The following FLII variants were observed in gnomAD, a reference collection of about 807,000 sequenced individuals.
The protein encoded by FLII is FLII actin remodeling protein.
Under a neutral mutation model 156.2 loss-of-function variants are expected in FLII, and 101 were observed. The observed-to-expected ratio is 0.65, with a 90% CI of 0.55 to 0.76. The LOEUF (loss-of-function observed/expected upper bound fraction) is 0.76, where lower values mean the gene tolerates loss of function less well. Ranked by LOEUF, FLII falls within the 30% of genes least tolerant of loss-of-function variation. The pLI is 0.00. For missense variants in FLII, 1,675 were observed against 1,682.8 expected (o/e 1.00, Z 0.08); for synonymous variants, 767 against 685.8 (o/e 1.12, Z -1.85).
In FLII at chr17:18,258,583, G is replaced by A. The variant is rs747380258; in HGVS notation, c.63+45C>T. On this transcript the variant is annotated intron_variant, in intron 1 of 29. Coordinates refer to ENST00000327031, the MANE Select transcript of FLII (RefSeq NM_002018.4). The surrounding 1 kb of genome is among the most constrained non-coding windows in gnomAD (Gnocchi z 4.2). ...CGGAGGCCAAGCGGGCCGGGCGGAA[G>A]AGAAGGCCTGCAGGGAGGCCCGGCA... The A allele has an allele frequency of 6.5e-7, 1 of 1,534,954 alleles. No individual in the cohort carries two copies. The highest frequency in any genetic ancestry group is 1.2e-5 in the South Asian group (1 of 83,558).
Position 18,251,859 on chromosome 17 carries a change from G to A in FLII, c.1247-43C>T, listed in dbSNP as rs542137324. The A allele has an allele frequency of 1.3e-5, 21 of 1,611,182 alleles. No individual in the cohort carries two copies. The South Asian group carries it at 2.1e-4, about 16-fold the overall frequency. On this transcript the variant is annotated intron_variant, in intron 11 of 29. Transcript: ENST00000327031. Reference sequence around the variant, plus strand: ...CAGCTGAGCCCTCACTGGGCCTGCTGCCCCCTTGGGCATGCGACCAACCAG... The same window carrying A: ...CAGCTGAGCCCTCACTGGGCCTGCTACCCCCTTGGGCATGCGACCAACCAG...
In FLII at chr17:18,249,354, T is replaced by C. The variant is rs780205184; in HGVS notation, c.1831A>G (p.Thr611Ala). The change falls in exon 15 of 30, where the codon ACT becomes GCT. Residue 611 changes from threonine to alanine, a missense_variant. This residue lies in a region of FLII where 1,332 missense variants were observed against 1,269.3 expected (regional missense o/e 1.05). Transcript: ENST00000327031. ...IEGGTASGFY[T>A]VEDTHYVTRM... Reference sequence around the variant, plus strand: ...GTGACATAGTGTGTGTCTTCCACAGTGTAGAAGCCACTGGCTGTTCCACCC... The same window carrying C: ...GTGACATAGTGTGTGTCTTCCACAGCGTAGAAGCCACTGGCTGTTCCACCC... The C allele has an allele frequency of 6.5e-5, 105 of 1,614,046 alleles. No homozygotes were observed. The highest frequency in any genetic ancestry group is 5.7e-4 in the South Asian group (52 of 91,092).
At position 18,245,926 on chromosome 17, in the gene FLII, C is replaced by A. The variant is rs763969004; in HGVS notation, c.3396+8G>T. On this transcript the variant is annotated splice_region_variant and intron_variant, in intron 26 of 29. Coordinates refer to ENST00000327031, the MANE Select transcript of FLII (RefSeq NM_002018.4). ...TGTGTGTGCCCGCCTGCCCGCCCGC[C>A]TCCTGACCTGCTTGCTGTAGGAGGT... The A allele has an allele frequency of 9.9e-6, 16 of 1,613,992 alleles. No homozygotes were observed. The East Asian group carries it at 3.1e-4, about 31-fold the overall frequency.
Position 18,254,165 on chromosome 17 carries a change from G to A in FLII, c.593C>T (p.Thr198Met), listed in dbSNP as rs765362239. The change falls in exon 7 of 30, where the codon ACG becomes ATG. Residue 198 changes from threonine (T) to methionine (M), a missense_variant. This residue lies in a region of FLII where 343 missense variants were observed against 413.5 expected (regional missense o/e 0.83). Transcript: ENST00000327031. ...CCGCAGGTGCAGGGTCTGCAGGGCC[G>A]TCATCGCTGGGAGCTGCCTGCCAGG... ...HAQLRQLPAMTALQTLHLRST... is the reference protein window; with the variant it reads ...HAQLRQLPAMMALQTLHLRST... The A allele has an allele frequency of 3.1e-5, 50 of 1,607,860 alleles. No homozygotes were observed. The highest frequency in any genetic ancestry group is 3.7e-5 in the Non-Finnish European group (43 of 1,177,038).
In FLII at chr17:18,250,856, C is replaced by A; in HGVS notation, c.1758G>T (p.Glu586Asp). The A allele has an allele frequency of 6.2e-7, 1 of 1,613,446 alleles. No individual in the cohort carries two copies. The highest frequency in any genetic ancestry group is 2.2e-5 in the East Asian group (1 of 44,874). ...CTGGCACCTGCAGGAACTCCTCGCT[C>A]TCATCGCCCATCTCCTCCCGGACAG... ...CRTVREEMGD[E>D]SEEFLQVFDN... The change falls in exon 14 of 30, where the codon GAG becomes GAT. Residue 586 changes from glutamate (E) to aspartate (D), a missense_variant. Glu to Asp is a conservative substitution (Grantham distance 45). This residue lies in a region of FLII where 1,332 missense variants were observed against 1,269.3 expected (regional missense o/e 1.05). Transcript: ENST00000327031.
In FLII at chr17:18,255,231, A is replaced by G; in HGVS notation, c.279T>C (p.Asn93=). The part of the protein sequence containing the change: ...AIVARANSLK[N]SGVPDDIFKL... ...TGAAGATGTCATCGGGGACTCCGGAATTCTTCAGACTGTTGGCTCGGGCCA... is the reference window on the plus strand; with the variant it reads ...TGAAGATGTCATCGGGGACTCCGGAGTTCTTCAGACTGTTGGCTCGGGCCA... Residue 93 remains asparagine, a synonymous_variant, in exon 4 of 30, where the codon AAT becomes AAC. Transcript: ENST00000327031. The G allele has an allele frequency of 1.2e-6, 2 of 1,614,118 alleles. No homozygotes were observed. The highest frequency in any genetic ancestry group is 1.1e-5 in the South Asian group (1 of 91,086).
Position 18,247,262 on chromosome 17 carries a change from C to G in FLII, c.2583G>C (p.Gly861=), listed in dbSNP as rs1245579259. 3 of 1,611,312 alleles carry G rather than the reference C, an allele frequency of 1.9e-6. No homozygotes were observed. Among genetic ancestry groups the G allele is most frequent in the Admixed American group, 3.3e-5 (2 of 59,836 alleles). ...EAVLQSPGLS[G]KVKRDAEKKD... is the part of the protein sequence containing the mutation. ...TCTTCTCGGCGTCGCGTTTCACCTT[C>G]CCGGAGAGACCCGGGCTCTGCAGCA... Residue 861 remains glycine (G), a synonymous_variant, in exon 21 of 30, where the codon GGG becomes GGC. Transcript: ENST00000327031.
At chr17:18,257,197 GC>G (rs538071846) in intron 1 of FLII, 178 bp from the exon 2 acceptor site, 2 of 547,244 alleles carry the variant, frequency 3.7e-6, no homozygotes, top group East Asian at 3.2e-5. Context: ...GGAATTTTAA[GC>G]CCCCCCGTGA....
At chr17:18,254,931 G>A (rs955581206) in intron 4 of FLII, 77 bp from the exon 5 acceptor site, 29 of 1,458,132 alleles carry the variant, frequency 2.0e-5, no homozygotes, top group Non-Finnish European at 2.7e-5. Flanking sequence ...GGATCAGGCA[G>A]GGCACTGAGT....
At chr17:18,247,129 C>T (rs546326916) in intron 21 of FLII, 40 bp downstream of exon 21, 6 of 731,110 alleles carry the variant, frequency 8.2e-6, no homozygotes, top group East Asian at 6.2e-5. Flanking sequence ...GCCTGCCCCC[C>T]ACCCCCCCCC....
rs181863682 is a variant in FLII, at chr17:18,248,937, C to T, written c.1935-54G>A. The T allele has an allele frequency of 4.9e-5, 74 of 1,515,988 alleles. No individual in the cohort carries two copies. In the African/African-American group the frequency reaches 9.7e-4, roughly 20 times the overall value. 93.9% of individuals were successfully genotyped at this position (1,515,988 alleles called of 1,614,324 possible). A position where few individuals can be genotyped will look rare whatever the true frequency, so the allele number is the denominator to read the frequency against. On this transcript the variant is annotated intron_variant, in intron 16 of 29. Coordinates refer to ENST00000327031, the MANE Select transcript of FLII (RefSeq NM_002018.4). ...TGATGGTGCATGGGGCAATGGTCAC[C>T]CCATGCTCCTGACCCCACCAAAAAA...
chr17:18,248,569 G>T lies in FLII; in HGVS notation c.2171C>A (p.Pro724Gln), dbSNP rs576073545. The change falls in exon 18 of 30, where the codon CCG becomes CAG. Residue 724 changes from proline to glutamine, a missense_variant. By Grantham distance (76) the Pro-to-Gln change is moderately conservative. This residue lies in a region of FLII where 1,332 missense variants were observed against 1,269.3 expected (regional missense o/e 1.05). Coordinates refer to ENST00000327031, the MANE Select transcript of FLII (RefSeq NM_002018.4). Reference protein sequence around the residue: ...KKHVPEDFWPPQPKLYKVGLG... With the variant: ...KKHVPEDFWPQQPKLYKVGLG... The stretch of plus-strand genomic sequence containing the variant: ...GCTCACCTTGTACAGCTTGGGCTGC[G>T]GCGGCCAGAAGTCTTCAGGCACGTG... The T allele has an allele frequency of 6.2e-7, 1 of 1,610,708 alleles. No homozygotes were observed. Among genetic ancestry groups the T allele is most frequent in the Non-Finnish European group, 8.5e-7 (1 of 1,178,752 alleles).
At chr17:18,249,982 G>C (rs964464506) in intron 14 of FLII, among the ~76,000 whole-genome samples, 2 of 151,786 alleles carry the variant, frequency 1.3e-5, no homozygotes, top group African/African-American at 4.8e-5. Context: ...TTAGCTAGGC[G>C]TGGTAGCACA....
At position 18,249,425 on chromosome 17, in the gene FLII, G is replaced by A. The variant is rs2048191045; in HGVS notation, c.1777-17C>T. ...GTCAAACACCTGTGTGTGTGAGGGT[G>A]TGGTTCTTCATCACTGAGCTGCCCC... On this transcript the variant is annotated splice_polypyrimidine_tract_variant and intron_variant, in intron 14 of 29. Coordinates refer to ENST00000327031, the MANE Select transcript of FLII (RefSeq NM_002018.4). The A allele has an allele frequency of 6.2e-7, 1 of 1,609,742 alleles. No homozygotes were observed. The highest frequency in any genetic ancestry group is 8.5e-7 in the Non-Finnish European group (1 of 1,176,580).
intron 14 of FLII, 54 bp from the exon 15 acceptor site, chr17:18,249,462 A>C: frequency 7.2e-7 from 1 of 1,382,170 alleles, no homozygotes; most frequent in Non-Finnish European, 1.0e-6. Context: ...TCCCCCACCA[A>C]CCACTGCCCC....
chr17:18,254,409 C>A, intron 6 of FLII, 112 bp downstream of exon 6: 1 of 1,127,998 alleles, frequency 8.9e-7, no homozygotes, highest in Non-Finnish European at 1.2e-6. Context: ...GCTGCCTGCA[C>A]GGAGGGATGG....
intron 14 of FLII, among the ~76,000 whole-genome samples, chr17:18,250,098 G>A (rs150186488): frequency 1.6e-4 from 24 of 152,342 alleles, no homozygotes; most frequent in Admixed American, 2.6e-4. Flanking sequence ...TCCAGCCTGG[G>A]CAACAAAGCG....
At position 18,247,754 on chromosome 17, in the gene FLII, C is replaced by CGCACCAG. The variant is rs2048128780; in HGVS notation, c.2383_2389dup (p.Arg797ProfsTer82). The CGCACCAG allele has an allele frequency of 6.2e-7, 1 of 1,607,300 alleles. No individual in the cohort carries two copies. The highest frequency in any genetic ancestry group is 8.5e-7 in the Non-Finnish European group (1 of 1,179,866). On this transcript the variant is annotated frameshift_variant, in exon 20 of 30. Coordinates refer to ENST00000327031, the MANE Select transcript of FLII (RefSeq NM_002018.4). LOFTEE classifies it high-confidence loss of function. ...CTGACCCAGCTTGAGGGCGGCAGCG[C>CGCACCAG]GCACCAGGCGCGGGGACTTGCGGCC...
In FLII at chr17:18,254,487, C is replaced by T. The variant is rs773469827; in HGVS notation, c.575+34G>A. ...GGCCCGGCCAGACTCCTCAGGGTGG[C>T]TTCTGCAGGAGTGCGGTCCGAGGGG... On this transcript the variant is annotated intron_variant, in intron 6 of 29. Coordinates refer to ENST00000327031, the MANE Select transcript of FLII (RefSeq NM_002018.4). 11 of 1,574,664 alleles carry T rather than the reference C, an allele frequency of 7.0e-6. No individual in the cohort carries two copies. The Admixed American group carries it at 2.0e-4, about 29-fold the overall frequency.
Sources: allele counts gnomAD v4.1 joint callset (sites outside exome capture counted in the v4.1 genomes callset), GRCh38; gene constraint gnomAD v4.1.1; regional missense constraint gnomAD v4.1.1; non-coding constraint Gnocchi (gnomAD v3.1); transcripts MANE v1.5; gene names NCBI Gene and HGNC (gene_info 2026-07-23, HGNC 2026-07-21).